Variants in ACAT1 observed in about 807,000 individuals in gnomAD.
ACAT1 encodes the protein acetyl-CoA acetyltransferase, mitochondrial.
A neutral mutation model predicts 47.3 loss-of-function variants in ACAT1; 28 were observed. That is an observed-to-expected ratio of 0.59 (90% CI 0.44 to 0.81). The LOEUF is 0.81. Among genes scored for constraint, ACAT1 ranks in the 30% least tolerant of loss-of-function variants. The pLI is 0.00. For missense variants in ACAT1, 469 were observed against 524.3 expected (o/e 0.89, Z 1.03); for synonymous variants, 181 against 173.6 (o/e 1.04, Z -0.34).
chr11:108,144,321 C>A (rs2077656843), intron 10 of ACAT1: 1 of 460,590 alleles, frequency 2.2e-6, no homozygotes, highest in Non-Finnish European at 3.9e-6. Flanking sequence ...ACTCACACAC[C>A]TGGTGTGGTA....
upstream of ACAT1, among the ~76,000 whole-genome samples, chr11:108,119,988 G>C (rs2077121318): frequency 6.6e-6 from 1 of 152,118 alleles, no homozygotes; most frequent in Non-Finnish European, 1.5e-5. Flanking sequence ...GGCCTAGTGG[G>C]GGCGGATTGC....
At position 108,145,661 on chromosome 11, in the gene ACAT1, A is replaced by G. The variant is rs532006150; in HGVS notation, c.1006-541A>G. Among the ~76,000 whole-genome samples, 7 of 152,368 alleles carry G rather than the reference A, an allele frequency of 4.6e-5. No homozygotes were observed. In the East Asian group the frequency reaches 1.3e-3, roughly 29 times the overall value. On this transcript the variant is annotated intron_variant, in intron 10 of 11. Coordinates refer to ENST00000265838, the MANE Select transcript of ACAT1 (RefSeq NM_000019.4). Reference sequence around the variant, plus strand: ...AATGTACCTTTTCAAATATCTGTGGAAAGAAAATCAAATTTTCTGTCCCCT... The same window carrying G: ...AATGTACCTTTTCAAATATCTGTGGGAAGAAAATCAAATTTTCTGTCCCCT...
intron 1 of ACAT1, among the ~76,000 whole-genome samples, chr11:108,130,911 G>A (rs2077344330): frequency 1.3e-5 from 2 of 151,988 alleles, no homozygotes; most frequent in South Asian, 2.1e-4. Context: ...TACCACGCCT[G>A]GCTAATTTTT....
chr11:108,140,355 G>A (rs1300751061), intron 7 of ACAT1, 140 bp downstream of exon 7: 1 of 981,068 alleles, frequency 1.0e-6, no homozygotes, highest in Non-Finnish European at 1.6e-6. Flanking sequence ...CCAGTTCAGA[G>A]AGAATATAAA....
chr11:108,127,552 G>A (rs2077274648), intron 1 of ACAT1, among the ~76,000 whole-genome samples: 1 of 152,182 alleles, frequency 6.6e-6, no homozygotes, highest in South Asian at 2.1e-4. Context: ...ACAGGCGTGA[G>A]CCACTGTGCC....
At chr11:108,140,318 T>C in intron 7 of ACAT1, 103 bp downstream of exon 7, 3 of 1,369,704 alleles carry the variant, frequency 2.2e-6, no homozygotes, top group Non-Finnish European at 2.1e-6. Context: ...TTTCAACTGC[T>C]TATGGTTAAT....
upstream of ACAT1, among the ~76,000 whole-genome samples, chr11:108,118,232 TAGTG>T (rs1239601441): frequency 2.0e-5 from 3 of 152,214 alleles, no homozygotes; most frequent in African/African-American, 4.8e-5. Context: ...CTGGGCAACA[TAGTG>T]AGAACCTGTG....
intron 6 of ACAT1, 89 bp downstream of exon 6, chr11:108,139,130 A>G (rs2077530369): frequency 6.6e-7 from 1 of 1,508,920 alleles, no homozygotes; most frequent in Admixed American, 1.7e-5. Context: ...ACTGAACTGA[A>G]AGATGGGCTC....
At chr11:108,139,751 C>A (rs537699275) in intron 6 of ACAT1, among the ~76,000 whole-genome samples, 1 of 152,102 alleles carries the variant, frequency 6.6e-6, no homozygotes. Flanking sequence ...GCCTCCGCCT[C>A]CTGGGCTCAA....
rs574669264 is a variant in ACAT1 at position 108,141,599 on chromosome 11, T to G, written c.731-6T>G. On this transcript the variant is annotated splice_polypyrimidine_tract_variant and splice_region_variant and intron_variant, in intron 7 of 11. Coordinates refer to ENST00000265838, the MANE Select transcript of ACAT1 (RefSeq NM_000019.4). ...AGCGATTTTACTTAAAATATTTTTA[T>G]TTTAGGTCAACCAGATGTAGTGGTG... The G allele has an allele frequency of 6.2e-7, 1 of 1,608,024 alleles. No individual in the cohort carries two copies. The highest frequency in any genetic ancestry group is 1.1e-5 in the South Asian group (1 of 90,974).
In ACAT1 at chr11:108,147,397, T is replaced by C; in HGVS notation, c.*7T>C. On this transcript the variant is annotated 3_prime_UTR_variant, in exon 12 of 12. Transcript: ENST00000265838. ...GCTAATTCAGAAGCTGTAGACAACCTCTGCTATTTAAGGAGACAACCCTAT... is the reference window on the plus strand; with the variant it reads ...GCTAATTCAGAAGCTGTAGACAACCCCTGCTATTTAAGGAGACAACCCTAT... 1.2e-6 allele frequency: 2 copies of C among 1,613,150 alleles called. No homozygotes were observed. The highest frequency in any genetic ancestry group is 1.7e-4 in the Middle Eastern group (1 of 6,054).
chr11:108,133,719 T>C, intron 2 of ACAT1, 101 bp from the exon 3 acceptor site: 1 of 928,106 alleles, frequency 1.1e-6, no homozygotes, highest in Non-Finnish European at 1.7e-6. Context: ...TTTTGATGAC[T>C]CATTCATAGA....
chr11:108,144,173 C>T (rs543118972), intron 10 of ACAT1, 126 bp downstream of exon 10: 1 of 1,054,902 alleles, frequency 9.5e-7, no homozygotes, highest in African/African-American at 1.6e-5. Context: ...TTCAAATCTT[C>T]CCATGTCTTC....
intron 8 of ACAT1, 133 bp from the exon 9 acceptor site, chr11:108,142,304 C>A: frequency 1.4e-6 from 1 of 728,614 alleles, no homozygotes; most frequent in Non-Finnish European, 2.5e-6. Context: ...TTCCTGAGGG[C>A]AGGAATTGTC....
At chr11:108,128,853 C>A (rs1193353841) in intron 1 of ACAT1, 1 of 152,166 alleles carries the variant, frequency 6.6e-6, no homozygotes, top group Non-Finnish European at 1.5e-5. Flanking sequence ...AAACAAGGAA[C>A]AAACTAGCTA....
At chr11:108,129,614 G>A (rs1004212663) in intron 1 of ACAT1, among the ~76,000 whole-genome samples, 9 of 152,174 alleles carry the variant, frequency 5.9e-5, no homozygotes, top group East Asian at 1.9e-4. Context: ...TTATCCGCCC[G>A]CCTCAGCCTC....
In ACAT1 at chr11:108,147,603, A is replaced by G; in HGVS notation, c.*213A>G. 1 of 596,408 alleles carries G rather than the reference A, an allele frequency of 1.7e-6. No homozygotes were observed. The highest frequency in any genetic ancestry group is 2.7e-6 in the Non-Finnish European group (1 of 371,490). The allele number at this position is 596,408 out of a possible 1,614,324, so 36.9% of individuals were successfully genotyped here. A position where few individuals can be genotyped will look rare whatever the true frequency, so the allele number is the denominator to read the frequency against. On this transcript the variant is annotated 3_prime_UTR_variant, in exon 12 of 12. Transcript: ENST00000265838. Reference sequence around the variant, plus strand: ...TGCTTTTTTCTTGGTAACCTTGAAAAGTTTGATACATTTTTGCATTCTGAG... The same window carrying G: ...TGCTTTTTTCTTGGTAACCTTGAAAGGTTTGATACATTTTTGCATTCTGAG...
rs2077152282 is a variant in ACAT1, at chr11:108,121,686, G to C, written c.72+8G>C. The C allele has an allele frequency of 6.5e-7, 1 of 1,547,646 alleles. No homozygotes were observed. The highest frequency in any genetic ancestry group is 1.2e-5 in the South Asian group (1 of 83,984). On this transcript the variant is annotated splice_region_variant and intron_variant, in intron 1 of 11. Transcript: ENST00000265838. Reference sequence around the variant, plus strand: ...CTCCGGAGGCTGGTGCAGGTGAGCGGGGTTCGTCCCCACAGCACTCAGACC... The same window carrying C: ...CTCCGGAGGCTGGTGCAGGTGAGCGCGGTTCGTCCCCACAGCACTCAGACC...
intron 10 of ACAT1, 178 bp from the exon 11 acceptor site, chr11:108,146,024 G>T: frequency 1.8e-6 from 1 of 548,782 alleles, no homozygotes; most frequent in East Asian, 3.4e-5. Context: ...TCCAGCCTGG[G>T]AGACAGAGCA....
Sources: gnomAD v4.1 joint callset for allele counts (sites outside exome capture counted in the v4.1 genomes callset) on GRCh38, gnomAD v4.1.1 for gene constraint, MANE v1.5 for transcripts, NCBI Gene and HGNC (gene_info 2026-07-23, HGNC 2026-07-21) for gene names.